Variants in PCDHGB3 observed in about 807,000 individuals in gnomAD.
The protein encoded by PCDHGB3 is protocadherin gamma subfamily B, 3, also known as protocadherin gamma-B3.
PCDHGB3 carries 40 observed loss-of-function variants against 59.2 expected under a neutral mutation model. That is an observed-to-expected ratio of 0.68 (90% CI 0.52 to 0.88). The LOEUF is 0.88. PCDHGB3 is among the 40% of genes least tolerant of loss of function. PCDHGB3 has a pLI of 0.00. For missense variants in PCDHGB3, 1,309 were observed against 1,187.9 expected (o/e 1.10, Z -1.50); for synonymous variants, 581 against 503.6 (o/e 1.15, Z -2.06).
intron 1 of PCDHGB3, chr5:141,441,810 C>T (rs2098275091): frequency 6.4e-5 from 24 of 372,574 alleles, no homozygotes; most frequent in Middle Eastern, 7.2e-4. Flanking sequence ...GGTGCTGTAC[C>T]CCAGCTCTGG....
At chr5:141,400,404 GT>G (rs2094016313) in intron 1 of PCDHGB3, 1 of 1,613,948 alleles carries the variant, frequency 6.2e-7, no homozygotes, top group South Asian at 1.1e-5. Flanking sequence ...GAAAGACGGA[GT>G]TTAATTTCCT....
At position 141,486,090 on chromosome 5, in the gene PCDHGB3, G is replaced by C. The variant is rs190955361; in HGVS notation, c.2416-8717G>C. On this transcript the variant is annotated intron_variant, in intron 1 of 3. Transcript: ENST00000576222. The surrounding 1 kb of genome is among the most constrained non-coding windows in gnomAD (Gnocchi z 5.0). ...ACTACTGGAAAGCTTACTCTTTTGG[G>C]GCCCCTAGACTTTGAGAGTGAGAAT... 4 of 1,614,086 alleles carry C rather than the reference G, an allele frequency of 2.5e-6. No individual in the cohort carries two copies. The Admixed American group carries it at 6.7e-5, about 27-fold the overall frequency.
At chr5:141,503,178 T>C (rs988629461) in intron 2 of PCDHGB3, among the ~76,000 whole-genome samples, 56 of 151,998 alleles carry the variant, frequency 3.7e-4, no homozygotes, top group African/African-American at 1.3e-3. Flanking sequence ...TACTCTATTG[T>C]GTAATTATTT....
At chr5:141,423,228 C>G (rs1321708353) in intron 1 of PCDHGB3, 5 of 1,613,866 alleles carry the variant, frequency 3.1e-6, no homozygotes, top group Non-Finnish European at 2.5e-6. Context: ...CTGTGGCCGA[C>G]AGCATCCCCG....
chr5:141,396,902 A>C (rs2093450439), intron 1 of PCDHGB3, among the ~76,000 whole-genome samples: 1 of 152,234 alleles, frequency 6.6e-6, no homozygotes, highest in African/African-American at 2.4e-5. Context: ...TATTATTGGC[A>C]CTTTGCAATT....
At chr5:141,415,611 A>G in intron 1 of PCDHGB3, 1 of 1,613,152 alleles carries the variant, frequency 6.2e-7, no homozygotes, top group Non-Finnish European at 8.5e-7. Context: ...CATTGGTTCC[A>G]GTGAGTTTTA....
intron 1 of PCDHGB3, chr5:141,419,367 C>T (rs1157934416): frequency 6.2e-7 from 1 of 1,613,652 alleles, no homozygotes; most frequent in Admixed American, 1.7e-5. Context: ...ACGCTGTCGT[C>T]CTACGTGTCC....
intron 1 of PCDHGB3, chr5:141,419,076 C>G: frequency 6.2e-7 from 1 of 1,613,956 alleles, no homozygotes; most frequent in Non-Finnish European, 8.5e-7. Context: ...AAGCTAGTAA[C>G]AGATGAGGCC....
At chr5:141,478,720 G>T (rs2154576937) in intron 1 of PCDHGB3, 1 of 1,543,694 alleles carries the variant, frequency 6.5e-7, no homozygotes, top group Admixed American at 2.0e-5. Context: ...ATGGTGGCCT[G>T]CCAGAGTGTG....
chr5:141,447,742 T>G (rs1440015460), intron 1 of PCDHGB3, among the ~76,000 whole-genome samples: 3 of 152,056 alleles, frequency 2.0e-5, no homozygotes, highest in Non-Finnish European at 4.4e-5. Flanking sequence ...AACTTAAGAG[T>G]CTTGCATGTG....
intron 1 of PCDHGB3, chr5:141,384,882 C>T (rs951463054): frequency 6.2e-7 from 1 of 1,613,754 alleles, no homozygotes; most frequent in African/African-American, 1.3e-5. Context: ...TCACACTCAC[C>T]GTGGCTGTGG....
intron 1 of PCDHGB3, chr5:141,421,807 G>C (rs1435916603): frequency 6.2e-7 from 1 of 1,613,852 alleles, no homozygotes; most frequent in Admixed American, 1.7e-5. Flanking sequence ...CAAGAATCCA[G>C]AGCTAGTACT....
intron 1 of PCDHGB3, chr5:141,413,400 G>C: frequency 6.2e-7 from 1 of 1,614,060 alleles, no homozygotes; most frequent in Non-Finnish European, 8.5e-7. Context: ...CCAGAGGTAG[G>C]ACGCAGCTTT....
At chr5:141,404,126 T>G in intron 1 of PCDHGB3, 1 of 1,613,316 alleles carries the variant, frequency 6.2e-7, no homozygotes, top group Non-Finnish European at 8.5e-7. Context: ...GAATCTATCT[T>G]TTACATTAGA....
chr5:141,405,090 C>A, intron 1 of PCDHGB3: 1 of 1,613,950 alleles, frequency 6.2e-7, no homozygotes, highest in Non-Finnish European at 8.5e-7. Flanking sequence ...ACGCTGCTGG[C>A]CCTCAGGCTG....
At chr5:141,377,359 T>A (rs1773912257) in intron 1 of PCDHGB3, 1 of 152,146 alleles carries the variant, frequency 6.6e-6, no homozygotes, top group South Asian at 2.1e-4. Flanking sequence ...TAATCCCACC[T>A]CTTCAGGAGG....
intron 1 of PCDHGB3, among the ~76,000 whole-genome samples, chr5:141,455,161 T>G (rs6861291): frequency 0.084 from 8,821 of 104,682 alleles, 480 homozygotes; most frequent in African/African-American, 0.22. Context: ...AGTTTGTTGG[T>G]TTTTTTTTTA....
chr5:141,380,608 T>C (rs1014267122), intron 1 of PCDHGB3, among the ~76,000 whole-genome samples: 2 of 152,244 alleles, frequency 1.3e-5, no homozygotes. Flanking sequence ...TATTTAATTT[T>C]ATGATGTTCG....
rs768648952 is a variant in PCDHGB3 at position 141,477,230 on chromosome 5, G to C, written c.2416-17577G>C. 6.2e-7 allele frequency: 1 copy of C among 1,614,046 alleles called. No homozygotes were observed. Among genetic ancestry groups the C allele is most frequent in the East Asian group, 2.2e-5 (1 of 44,890 alleles). ...GGATGCCCCTCTGGGGACTGTCATC[G>C]CTTTGCTCAGTGTGACTGACCTGGA... On this transcript the variant is annotated intron_variant, in intron 1 of 3. Transcript: ENST00000576222. The surrounding 1 kb of genome is among the most constrained non-coding windows in gnomAD (Gnocchi z 4.9).
Sources: gnomAD v4.1 joint callset for allele counts (sites outside exome capture counted in the v4.1 genomes callset) on GRCh38, gnomAD v4.1.1 for gene constraint, Gnocchi (gnomAD v3.1) non-coding constraint, MANE v1.5 for transcripts, NCBI Gene and HGNC (gene_info 2026-07-23, HGNC 2026-07-21) for gene names.